DLEC1: variants seen among roughly 807,000 people sequenced by gnomAD.
DLEC1 encodes DLEC1 cilia and flagella associated protein, also known as deleted in lung and esophageal cancer protein 1.
DLEC1 carries 146 observed loss-of-function variants against 198.1 expected under a neutral mutation model. The ratio of observed to expected loss-of-function variants is 0.74; its 90% CI spans 0.64 to 0.85. The LOEUF is 0.85. DLEC1 is among the 40% of genes least tolerant of loss of function. DLEC1 has a pLI of 0.00. For missense variants in DLEC1, 2,233 were observed against 2,220.0 expected, an observed-to-expected ratio of 1.01 and a Z score of -0.12; for synonymous variants, 897 against 866.8, an observed-to-expected ratio of 1.03 and a Z score of -0.61.
chr3:38,061,853 G>A (rs959695095), intron 3 of DLEC1, among the ~76,000 whole-genome samples: 1 of 152,100 alleles, frequency 6.6e-6, no homozygotes, highest in African/African-American at 2.4e-5. Context: ...TTTATTTTTT[G>A]TAGAGATAGG....
chr3:38,121,916 A>T, intron 35 of DLEC1, 135 bp downstream of exon 35: 3 of 1,507,116 alleles, frequency 2.0e-6, no homozygotes, highest in Non-Finnish European at 2.7e-6. Flanking sequence ...ATTTCTGCAG[A>T]GCAGCCAGTC....
At chr3:38,085,789 G>A (rs1304563395) in intron 8 of DLEC1, among the ~76,000 whole-genome samples, 1 of 152,146 alleles carries the variant, frequency 6.6e-6, no homozygotes, top group East Asian at 1.9e-4. Flanking sequence ...TGCACCCTGA[G>A]GAGTCCTAAC....
At chr3:38,087,115 T>C (rs958642378) in intron 9 of DLEC1, among the ~76,000 whole-genome samples, 6 of 151,972 alleles carry the variant, frequency 3.9e-5, no homozygotes, top group African/African-American at 1.5e-4. Flanking sequence ...AAGTTCTACA[T>C]TTCCAGTCCT....
At chr3:38,121,513 A>C in intron 34 of DLEC1, 115 bp from the exon 35 acceptor site, 1 of 1,370,324 alleles carries the variant, frequency 7.3e-7, no homozygotes, top group South Asian at 1.4e-5. Context: ...AACTTCTGGG[A>C]GCTTCCCGTT....
rs534390231 is a variant in DLEC1 at position 38,122,510 on chromosome 3, A to G, written c.*98A>G. On this transcript the variant is annotated 3_prime_UTR_variant, in exon 37 of 37. Coordinates refer to ENST00000308059, the MANE Select transcript of DLEC1 (RefSeq NM_007335.4). Reference sequence around the variant, plus strand: ...TCAGCACAAAGACACAGACTTGGGGACCTGGGGACCTCTGGGCAGCTCCTG... The same window carrying G: ...TCAGCACAAAGACACAGACTTGGGGGCCTGGGGACCTCTGGGCAGCTCCTG... The G allele has an allele frequency of 1.9e-6, 3 of 1,612,284 alleles. No homozygotes were observed. Among genetic ancestry groups the G allele is most frequent in the East Asian group, 4.5e-5 (2 of 44,828 alleles).
At chr3:38,072,777 C>T (rs935097349) in intron 6 of DLEC1, among the ~76,000 whole-genome samples, 4 of 151,814 alleles carry the variant, frequency 2.6e-5, no homozygotes, top group East Asian at 1.9e-4. Flanking sequence ...AGGGAGAGCA[C>T]GTGTGTTTTT....
chr3:38,060,182 C>T lies in DLEC1; in HGVS notation c.673+330C>T, dbSNP rs73062812. Among the ~76,000 whole-genome samples, 185 of 152,268 alleles carry T rather than the reference C, an allele frequency of 1.2e-3. 1 individual carries two copies. Among genetic ancestry groups the T allele is most frequent in the Non-Finnish European group, 1.1e-3 (75 of 68,024 alleles). On this transcript the variant is annotated intron_variant, in intron 3 of 36. Transcript: ENST00000308059. ...CTGAAGACATAGAAAAGCAAGGGAG[C>T]GTGTACCTGATGAGTTGGAGCAGGG...
chr3:38,077,862 G>GAGT (rs1325210614), intron 6 of DLEC1, among the ~76,000 whole-genome samples: 1 of 152,194 alleles, frequency 6.6e-6, no homozygotes, highest in Non-Finnish European at 1.5e-5. Context: ...AATCCCTGAG[G>GAGT]AGTAGTAGAA....
intron 2 of DLEC1, among the ~76,000 whole-genome samples, chr3:38,049,907 A>AC (rs146049678): frequency 0.031 from 4,781 of 152,226 alleles, 266 homozygotes; most frequent in African/African-American, 0.11. Flanking sequence ...CCAAGGAGAG[A>AC]CCAGGGAGTA....
intron 6 of DLEC1, among the ~76,000 whole-genome samples, chr3:38,070,504 G>A (rs571774067): frequency 8.5e-5 from 13 of 152,296 alleles, no homozygotes; most frequent in East Asian, 5.8e-4. Context: ...TTTCATGCAC[G>A]TCCGTGTGAA....
intron 9 of DLEC1, 97 bp from the exon 10 acceptor site, chr3:38,088,199 C>A: frequency 1.8e-6 from 2 of 1,092,986 alleles, no homozygotes; most frequent in Non-Finnish European, 2.7e-6. Flanking sequence ...AGTTCCTTCA[C>A]ATTGCAAAAT....
intron 19 of DLEC1, among the ~76,000 whole-genome samples, chr3:38,107,250 G>T (rs1055573371): frequency 6.6e-6 from 1 of 152,148 alleles, no homozygotes; most frequent in Admixed American, 6.6e-5. Flanking sequence ...TACGCCCAGA[G>T]GAAAAGTGAA....
rs1289253446 is a variant in DLEC1 at position 38,116,965 on chromosome 3, T to C, written c.4180-10T>C. 1 of 1,613,674 alleles carries C rather than the reference T, an allele frequency of 6.2e-7. No individual in the cohort carries two copies. Among genetic ancestry groups the C allele is most frequent in the African/African-American group, 1.3e-5 (1 of 75,034 alleles). On this transcript the variant is annotated splice_polypyrimidine_tract_variant and intron_variant, in intron 29 of 36. Coordinates refer to ENST00000308059, the MANE Select transcript of DLEC1 (RefSeq NM_007335.4). The stretch of plus-strand genomic sequence containing the variant: ...ATGGGACAGTGCTAAGGCTGCTGTG[T>C]CTATGCCAGGTGGTCCCTGCTGGGG...
At chr3:38,093,813 C>A in intron 12 of DLEC1, 46 bp downstream of exon 12, 1 of 1,604,704 alleles carries the variant, frequency 6.2e-7, no homozygotes, top group Admixed American at 1.7e-5. Context: ...CTTCTTCTTG[C>A]TTACCTGGCC....
intron 19 of DLEC1, 33 bp downstream of exon 19, chr3:38,100,458 A>G (rs1003283555): frequency 8.2e-6 from 13 of 1,584,376 alleles, no homozygotes; most frequent in Non-Finnish European, 1.1e-5. Flanking sequence ...CACTACAACA[A>G]ACTATGCATA....
intron 22 of DLEC1, 113 bp downstream of exon 22, chr3:38,109,675 G>T: frequency 6.5e-7 from 1 of 1,536,172 alleles, no homozygotes; most frequent in Non-Finnish European, 8.8e-7. Context: ...ATTCCTGCAG[G>T]CAGGAAAACG....
At chr3:38,077,199 T>C (rs554542049) in intron 6 of DLEC1, among the ~76,000 whole-genome samples, 17 of 152,334 alleles carry the variant, frequency 1.1e-4, no homozygotes, top group African/African-American at 3.8e-4. Flanking sequence ...TCAGCTGTGA[T>C]GGCTTGGAGA....
At chr3:38,045,811 A>G in intron 2 of DLEC1, 118 bp downstream of exon 2, 1 of 1,047,542 alleles carries the variant, frequency 9.5e-7, no homozygotes. Flanking sequence ...CAAGTCGCAG[A>G]CATGATAATA....
chr3:38,081,860 C>A (rs1698035667), intron 6 of DLEC1, among the ~76,000 whole-genome samples: 1 of 147,898 alleles, frequency 6.8e-6, no homozygotes, highest in East Asian at 2.1e-4. Context: ...CCCCACCTCC[C>A]TCCCGGATGG....
Sources: gnomAD v4.1 joint callset for allele counts (sites outside exome capture counted in the v4.1 genomes callset) on GRCh38, gnomAD v4.1.1 for gene constraint, MANE v1.5 for transcripts, NCBI Gene and HGNC (gene_info 2026-07-23, HGNC 2026-07-21) for gene names.